Variants in TYW1B observed in about 807,000 individuals in gnomAD.
The protein encoded by TYW1B is S-adenosyl-L-methionine-dependent tRNA 4-demethylwyosine synthase TYW1B.
In TYW1B, 73 loss-of-function variants were observed where a neutral mutation model predicts 86.9. The ratio of observed to expected loss-of-function variants is 0.84; its 90% CI spans 0.70 to 1.02. The LOEUF is 1.02. TYW1B is among the 50% of genes least tolerant of loss of function. The probability of loss-of-function intolerance (pLI) is 0.00; values close to 1 mark genes in which losing one functional copy is unlikely to be tolerated. For missense variants in TYW1B, 637 were observed against 827.4 expected, an observed-to-expected ratio of 0.77 and a Z score of 2.82; for synonymous variants, 248 against 292.8, an observed-to-expected ratio of 0.85 and a Z score of 1.56.
intron 11 of TYW1B, among the ~76,000 whole-genome samples, chr7:72,643,618 A>C (rs1191517320): frequency 6.6e-6 from 1 of 152,080 alleles, no homozygotes; most frequent in African/African-American, 2.4e-5. Flanking sequence ...AAGAATAAGA[A>C]ATAAAAATAT....
At chr7:72,791,061 C>T (rs1389514122) in intron 6 of TYW1B, among the ~76,000 whole-genome samples, 3 of 152,118 alleles carry the variant, frequency 2.0e-5, no homozygotes, top group Non-Finnish European at 2.9e-5. Context: ...GGATCTGATC[C>T]TTTTGAATTT....
rs1470771218 is a variant in TYW1B at position 72,628,938 on chromosome 7, C to G, written c.1566G>C (p.Gln522His). Reference protein sequence around the residue: ...LVKAWNVDELQAYAQLVSLGN... With the variant: ...LVKAWNVDELHAYAQLVSLGN... ...CCAGGGACACGAGCTGCGCGTAGGC[C>G]TGGAGCTCGTCCACGTTCCATGCTT... Residue 522 changes from glutamine (Q) to histidine (H), a missense_variant, in exon 12 of 14, where the codon CAG (glutamine) becomes CAC (histidine). Coordinates refer to ENST00000620995, the MANE Select transcript of TYW1B (RefSeq NM_001145440.3). 6.3e-7 allele frequency: 1 copy of G among 1,594,604 alleles called. No homozygotes were observed. Among genetic ancestry groups the G allele is most frequent in the Admixed American group, 1.8e-5 (1 of 56,684 alleles).
At position 72,777,086 on chromosome 7, in the gene TYW1B, T is replaced by C. The variant is rs1259916695; in HGVS notation, c.964+330A>G. 7.9e-5 allele frequency among the ~76,000 whole-genome samples: 12 copies of C among 152,160 alleles called. No homozygotes were observed. The East Asian group carries it at 2.3e-3, about 29-fold the overall frequency. ...TAAGACCACAAAAATCCAGATACGA[T>C]ACCTCTACATAAACACTTCTAATTA... On this transcript the variant is annotated intron_variant, in intron 7 of 13. Coordinates refer to ENST00000620995, the MANE Select transcript of TYW1B (RefSeq NM_001145440.3).
intron 13 of TYW1B, among the ~76,000 whole-genome samples, chr7:72,610,637 T>C (rs1480891890): frequency 6.6e-6 from 1 of 152,162 alleles, no homozygotes; most frequent in Non-Finnish European, 1.5e-5. Context: ...TTGTTGTTGT[T>C]GTTGTTGTTG....
intron 10 of TYW1B, among the ~76,000 whole-genome samples, chr7:72,699,260 A>G (rs1554452044): frequency 1.3e-5 from 2 of 152,212 alleles, no homozygotes; most frequent in African/African-American, 4.8e-5. Context: ...CGCAGCTGTG[A>G]GATGCAGCAG....
In TYW1B at chr7:72,575,413, C is replaced by T. The variant is rs1462743641; in HGVS notation, c.*85G>A. 19 of 1,527,490 alleles carry T rather than the reference C, an allele frequency of 1.2e-5. No homozygotes were observed. The highest frequency in any genetic ancestry group is 8.4e-5 in the African/African-American group (6 of 71,344). The allele number at this position is 1,527,490 out of a possible 1,614,324, so 94.6% of individuals were successfully genotyped here. On this transcript the variant is annotated 3_prime_UTR_variant, in exon 14 of 14. Transcript: ENST00000620995. ...GTATGAAAGTATAATTTACGTAATT[C>T]GTCCTTGGAGAATCAGAGTGGTGTT... is the stretch of plus-strand genomic sequence containing the variant.
chr7:72,629,100 C>T, intron 11 of TYW1B, 103 bp from the exon 12 acceptor site: 1 of 996,648 alleles, frequency 1.0e-6, no homozygotes, highest in East Asian at 2.8e-5. Flanking sequence ...CCAGGGCAGG[C>T]AAAACTCATC....
chr7:72,696,850 TACCGA>T (rs1814332111), intron 10 of TYW1B, among the ~76,000 whole-genome samples: 2 of 152,296 alleles, frequency 1.3e-5, no homozygotes, highest in South Asian at 4.1e-4. Context: ...GCCTCTGCAA[TACCGA>T]TGTACTAAGG....
At chr7:72,644,965 C>T (rs1585872102) in intron 11 of TYW1B, among the ~76,000 whole-genome samples, 1 of 151,744 alleles carries the variant, frequency 6.6e-6, no homozygotes, top group South Asian at 2.1e-4. Flanking sequence ...GTAGCTGGGA[C>T]TACAGGCGTG....
At chr7:72,743,641 CA>C (rs1787343243) in intron 8 of TYW1B, among the ~76,000 whole-genome samples, 3 of 151,930 alleles carry the variant, frequency 2.0e-5, no homozygotes. Context: ...GTCAGGAGTT[CA>C]AAACCGGCCT....
intron 3 of TYW1B, among the ~76,000 whole-genome samples, chr7:72,814,280 C>T (rs1156796199): frequency 2.0e-5 from 3 of 151,704 alleles, no homozygotes; most frequent in Admixed American, 1.3e-4. Flanking sequence ...ACAGTGAGAC[C>T]GTATCTCTAT....
chr7:72,581,821 G>A (rs147269761), intron 13 of TYW1B, among the ~76,000 whole-genome samples: 2,661 of 152,170 alleles, frequency 0.017, 41 homozygotes, highest in South Asian at 0.039. Context: ...AGGCTGGAGT[G>A]CAATGGCATG....
At chr7:72,805,035 A>C (rs545567738) in intron 5 of TYW1B, among the ~76,000 whole-genome samples, 39 of 152,114 alleles carry the variant, frequency 2.6e-4, no homozygotes, top group African/African-American at 9.4e-4. Context: ...GACCTTGGGA[A>C]ACTTCAAAAG....
At chr7:72,750,089 T>TG (rs1554464787) in intron 7 of TYW1B, among the ~76,000 whole-genome samples, 1 of 151,738 alleles carries the variant, frequency 6.6e-6, no homozygotes, top group Non-Finnish European at 1.5e-5. Context: ...TTTTTTGAGA[T>TG]GGGGTCTTGC....
chr7:72,767,616 AT>A (rs1223238349), intron 7 of TYW1B, among the ~76,000 whole-genome samples: 10 of 152,092 alleles, frequency 6.6e-5, no homozygotes, highest in African/African-American at 1.7e-4. Flanking sequence ...TCTCAAAAAA[AT>A]AATAAAAAAA....
intron 6 of TYW1B, among the ~76,000 whole-genome samples, chr7:72,783,136 C>T (rs1330655704): frequency 3.3e-5 from 5 of 152,074 alleles, no homozygotes; most frequent in African/African-American, 9.7e-5. Flanking sequence ...TGGTGGCTCA[C>T]GCCTGTAATC....
intron 6 of TYW1B, among the ~76,000 whole-genome samples, chr7:72,783,406 T>C (rs1554471947): frequency 6.8e-6 from 1 of 146,476 alleles, no homozygotes; most frequent in Non-Finnish European, 1.5e-5. Flanking sequence ...AAAAAGAAAC[T>C]TTTATTCATG....
intron 10 of TYW1B, among the ~76,000 whole-genome samples, chr7:72,695,531 C>T (rs1465264663): frequency 1.3e-5 from 2 of 152,078 alleles, no homozygotes; most frequent in Non-Finnish European, 2.9e-5. Flanking sequence ...AAATTCACTG[C>T]CTCATTTCAT....
intron 11 of TYW1B, among the ~76,000 whole-genome samples, chr7:72,643,842 T>C (rs1812862066): frequency 1.3e-5 from 2 of 152,156 alleles, no homozygotes; most frequent in South Asian, 4.1e-4. Context: ...TGATTTGAAA[T>C]ACTAAACTCT....
Sources: gnomAD v4.1 joint callset for allele counts (sites outside exome capture counted in the v4.1 genomes callset) on GRCh38, gnomAD v4.1.1 for gene constraint, MANE v1.5 for transcripts, NCBI Gene and HGNC (gene_info 2026-07-23, HGNC 2026-07-21) for gene names.